PRKCE: variants seen among roughly 807,000 people sequenced by gnomAD.
PRKCE encodes the protein protein kinase C epsilon.
In PRKCE, 16 loss-of-function variants were observed where a neutral mutation model predicts 85.4. That is an observed-to-expected ratio of 0.19 (90% CI 0.13 to 0.28). The LOEUF (loss-of-function observed/expected upper bound fraction) is 0.28. PRKCE is among the 10% of genes least tolerant of loss of function. The pLI is 1.00. For synonymous variants in PRKCE, 388 were observed against 371.5 expected (o/e 1.04, Z -0.51); for missense variants, 573 against 975.2 (o/e 0.59, Z 5.49).
chr2:46,056,649 ATTAT>A (rs1363391531), intron 10 of PRKCE, among the ~76,000 whole-genome samples: 2 of 152,188 alleles, frequency 1.3e-5, no homozygotes, highest in Non-Finnish European at 2.9e-5. Context: ...CTCATGAGTA[ATTAT>A]TTATCTATCT....
intron 10 of PRKCE, among the ~76,000 whole-genome samples, chr2:46,012,862 G>A (rs910731797): frequency 6.6e-6 from 1 of 152,204 alleles, no homozygotes; most frequent in Non-Finnish European, 1.5e-5. Flanking sequence ...ATAACACCAG[G>A]GATTTCTTTT....
At chr2:46,123,480 G>GTTTCTTTATTCC (rs1389911957) in intron 11 of PRKCE, among the ~76,000 whole-genome samples, 1 of 151,758 alleles carries the variant, frequency 6.6e-6, no homozygotes, top group African/African-American at 2.4e-5. Flanking sequence ...AACTTTATGG[G>GTTTCTTTATTCC]TTTCTTTCTT....
At chr2:45,964,170 C>G (rs1195458521) in intron 2 of PRKCE, among the ~76,000 whole-genome samples, 2 of 152,202 alleles carry the variant, frequency 1.3e-5, no homozygotes, top group Admixed American at 6.5e-5. Flanking sequence ...GAATGTCCCA[C>G]TCTACTCGGC....
chr2:45,883,096 T>A (rs1375195194), intron 2 of PRKCE, among the ~76,000 whole-genome samples: 1 of 152,250 alleles, frequency 6.6e-6, no homozygotes, highest in African/African-American at 2.4e-5. Context: ...CAAATTCACA[T>A]TGTAGTACTT....
At chr2:46,127,301 A>C (rs1673957306) in intron 11 of PRKCE, among the ~76,000 whole-genome samples, 1 of 152,184 alleles carries the variant, frequency 6.6e-6, no homozygotes, top group African/African-American at 2.4e-5. Context: ...GGTTTTAGTA[A>C]TATGTTTGAT....
At chr2:45,949,398 G>T in intron 2 of PRKCE, among the ~76,000 whole-genome samples, 1 of 100,014 alleles carries the variant, frequency 1.0e-5, no homozygotes, top group African/African-American at 4.1e-5. Flanking sequence ...CATTTATTTT[G>T]CTTGTTTTTT....
At chr2:45,859,888 A>G (rs1176356583) in intron 2 of PRKCE, among the ~76,000 whole-genome samples, 2 of 152,192 alleles carry the variant, frequency 1.3e-5, no homozygotes, top group Non-Finnish European at 2.9e-5. Context: ...AAATGAGCTG[A>G]TGTGCATGAA....
chr2:45,766,480 G>A (rs530570877), intron 1 of PRKCE, among the ~76,000 whole-genome samples: 4 of 152,222 alleles, frequency 2.6e-5, no homozygotes, highest in Non-Finnish European at 4.4e-5. Context: ...GGGTTAGATC[G>A]GAGAGATTCC....
intron 1 of PRKCE, among the ~76,000 whole-genome samples, chr2:45,733,746 C>T (rs1181104169): frequency 1.3e-5 from 2 of 152,168 alleles, no homozygotes; most frequent in African/African-American, 2.4e-5. Context: ...CCCCCAAAGT[C>T]GTGTAGTAGG....
chr2:46,034,016 C>T (rs1330884454), intron 10 of PRKCE, among the ~76,000 whole-genome samples: 3 of 152,188 alleles, frequency 2.0e-5, no homozygotes, highest in African/African-American at 7.2e-5. Context: ...AAAACAGGCA[C>T]CAAGTCTAGG....
chr2:45,669,832 G>C (rs148646327), intron 1 of PRKCE, among the ~76,000 whole-genome samples: 49 of 152,170 alleles, frequency 3.2e-4, no homozygotes, highest in African/African-American at 1.1e-3. Flanking sequence ...CCAACATGGC[G>C]AAACCCCGTC....
chr2:45,722,590 A>T (rs566359047), intron 1 of PRKCE, among the ~76,000 whole-genome samples: 1 of 152,306 alleles, frequency 6.6e-6, no homozygotes, highest in African/African-American at 2.4e-5. Flanking sequence ...AAATGGGAAG[A>T]TGAGGAAAAG....
intron 2 of PRKCE, among the ~76,000 whole-genome samples, chr2:45,882,400 C>G (rs1301758564): frequency 6.6e-6 from 1 of 152,202 alleles, no homozygotes; most frequent in Non-Finnish European, 1.5e-5. Flanking sequence ...CATCCTTGCT[C>G]TGATGTCCGC....
intron 11 of PRKCE, among the ~76,000 whole-genome samples, chr2:46,086,991 A>G (rs1342751886): frequency 6.6e-6 from 1 of 152,150 alleles, no homozygotes. Flanking sequence ...CCATGAAGAG[A>G]ACAAAACTAC....
At chr2:46,011,795 C>G (rs969030352) in intron 10 of PRKCE, among the ~76,000 whole-genome samples, 6 of 152,176 alleles carry the variant, frequency 3.9e-5, no homozygotes, top group African/African-American at 1.4e-4. Flanking sequence ...TGCACCCACA[C>G]ACACACAATG....
At chr2:46,115,757 C>G (rs1281005286) in intron 11 of PRKCE, among the ~76,000 whole-genome samples, 1 of 152,202 alleles carries the variant, frequency 6.6e-6, no homozygotes, top group Non-Finnish European at 1.5e-5. Context: ...TGGAACCAGA[C>G]ACAGGCTGCT....
intron 10 of PRKCE, among the ~76,000 whole-genome samples, chr2:46,011,210 T>C (rs1365425462): frequency 6.6e-6 from 1 of 152,182 alleles, no homozygotes. Flanking sequence ...TTTAGGATCA[T>C]TATGGATGTT....
chr2:45,767,382 A>G (rs1000404423), intron 1 of PRKCE, among the ~76,000 whole-genome samples: 1 of 152,254 alleles, frequency 6.6e-6, no homozygotes, highest in Admixed American at 6.5e-5. Context: ...AAGAATGTTT[A>G]TGTCAGAAAT....
intron 1 of PRKCE, among the ~76,000 whole-genome samples, chr2:45,672,740 A>G (rs1676235920): frequency 6.6e-6 from 1 of 152,140 alleles, no homozygotes; most frequent in East Asian, 1.9e-4. Context: ...AAACTGCCAT[A>G]AGGGACTGAA....
Sources: gnomAD v4.1 joint callset for allele counts (sites outside exome capture counted in the v4.1 genomes callset) on GRCh38, gnomAD v4.1.1 for gene constraint, MANE v1.5 for transcripts, NCBI Gene and HGNC (gene_info 2026-07-23, HGNC 2026-07-21) for gene names.